ATP6V1D: variants seen among roughly 807,000 people sequenced by gnomAD.
The protein encoded by ATP6V1D is ATPase H+ transporting V1 subunit D.
Under a neutral mutation model 39.4 loss-of-function variants are expected in ATP6V1D, and 20 were observed. The observed-to-expected ratio is 0.51, with a 90% CI of 0.36 to 0.74. The LOEUF (loss-of-function observed/expected upper bound fraction) is 0.74, where lower values mean the gene tolerates loss of function less well. ATP6V1D is among the 30% of genes least tolerant of loss of function. The probability of loss-of-function intolerance (pLI) is 0.00; values close to 1 mark genes in which losing one functional copy is unlikely to be tolerated. For missense variants in ATP6V1D, 228 were observed against 291.6 expected (o/e 0.78, Z 1.59); for synonymous variants, 100 against 100.5 (o/e 0.99, Z 0.03).
At chr14:67,349,133 G>C in intron 3 of ATP6V1D, 29 bp from the exon 4 acceptor site, 1 of 1,604,368 alleles carries the variant, frequency 6.2e-7, no homozygotes, top group Non-Finnish European at 8.5e-7. Context: ...ACTTTATTTA[G>C]CAGACTCTTC....
At chr14:67,348,995 CTCT>C (rs2085640334) in intron 4 of ATP6V1D, 39 bp downstream of exon 4, 1 of 1,578,864 alleles carries the variant, frequency 6.3e-7, no homozygotes, top group African/African-American at 1.4e-5. Flanking sequence ...AAAATGTCAC[CTCT>C]TTTCTCCCCA....
In ATP6V1D at chr14:67,350,643, T is replaced by C; in HGVS notation, c.207A>G (p.Leu69=). 1.9e-6 allele frequency: 3 copies of C among 1,613,848 alleles called. No homozygotes were observed. The highest frequency in any genetic ancestry group is 2.5e-6 in the Non-Finnish European group (3 of 1,179,838). ...CACCTGCTGTGAACTTGGCTTCAGCTAGTGAAAAGGCAGCTTCTCTCATCA... is the reference window on the plus strand; with the variant it reads ...CACCTGCTGTGAACTTGGCTTCAGCCAGTGAAAAGGCAGCTTCTCTCATCA... ...GEVMREAAFS[L]AEAKFTAGDF... The change falls in exon 3 of 9, where the codon CTA becomes CTG. Residue 69 remains leucine, a synonymous_variant. Transcript: ENST00000216442.
intron 2 of ATP6V1D, among the ~76,000 whole-genome samples, chr14:67,350,904 A>G (rs1348235081): frequency 6.6e-6 from 1 of 152,262 alleles, no homozygotes; most frequent in Non-Finnish European, 1.5e-5. Flanking sequence ...ATTAAAACAG[A>G]ATAAATGCAT....
Position 67,350,651 on chromosome 14 carries a change from A to G in ATP6V1D, c.199T>C (p.Phe67Leu), listed in dbSNP as rs2085649561. 1 of 1,613,766 alleles carries G rather than the reference A, an allele frequency of 6.2e-7. No individual in the cohort carries two copies. The highest frequency in any genetic ancestry group is 8.5e-7 in the Non-Finnish European group (1 of 1,179,836). The change falls in exon 3 of 9, where the codon TTT (phenylalanine) becomes CTT (leucine). Residue 67 changes from phenylalanine (F) to leucine (L), a missense_variant. Physicochemically the swap from Phe to Leu is conservative, Grantham distance 22 (BLOSUM62 0). Transcript: ENST00000216442. The stretch of plus-strand genomic sequence containing the variant: ...GTGAACTTGGCTTCAGCTAGTGAAA[A>G]GGCAGCTTCTCTCATCACTTCGCCC... ...LMGEVMREAA[F>L]SLAEAKFTAG...
At position 67,359,469 on chromosome 14, in the gene ATP6V1D, C is replaced by G. The variant is rs890970761; in HGVS notation, c.41+189G>C. On this transcript the variant is annotated intron_variant, in intron 1 of 8. Transcript: ENST00000216442. ...TACCGGCTGGGATCGCTTCGTCCAG[C>G]CTGATTCACTCAGGAGGAATGCGCG... Among the ~76,000 whole-genome samples the G allele has an allele frequency of 3.3e-5, 5 of 152,040 alleles. 1 individual carries two copies. The highest frequency in any genetic ancestry group is 3.3e-4 in the Admixed American group (5 of 15,256).
chr14:67,348,241 A>G (rs1246194146), intron 4 of ATP6V1D, among the ~76,000 whole-genome samples: 2 of 151,632 alleles, frequency 1.3e-5, no homozygotes, highest in Admixed American at 1.3e-4. Flanking sequence ...CGTCTGGCTT[A>G]TTTTGTATTT....
chr14:67,352,870 G>A, intron 2 of ATP6V1D, 53 bp downstream of exon 2: 1 of 1,203,994 alleles, frequency 8.3e-7, no homozygotes, highest in East Asian at 2.5e-5. Context: ...AATGCCAAGG[G>A]CCATGCTGGA....
In ATP6V1D at chr14:67,345,772, A is replaced by C. The variant is rs558520021; in HGVS notation, c.452T>G (p.Leu151Arg). 1.2e-6 allele frequency: 2 copies of C among 1,611,058 alleles called. No homozygotes were observed. Among genetic ancestry groups the C allele is most frequent in the South Asian group, 1.1e-5 (1 of 90,982 alleles). ...TCCAGGTCTTTTGCTACTTACCTGC[A>C]GAGAAGCTAGTTCCACCAGTAGTTC... ...AVELLVELASLQTSFVTLDEA... is the reference protein window; with the variant it reads ...AVELLVELASRQTSFVTLDEA... The change falls in exon 6 of 9, where the codon CTG (leucine) becomes CGG (arginine). Residue 151 changes from leucine to arginine, a missense_variant. Leu to Arg is a moderately radical substitution (Grantham distance 102). This residue lies in a region of ATP6V1D where 114 missense variants were observed against 128.3 expected (regional missense o/e 0.89). Coordinates refer to ENST00000216442, the MANE Select transcript of ATP6V1D (RefSeq NM_015994.4).
chr14:67,355,631 T>G (rs933446735), intron 1 of ATP6V1D, among the ~76,000 whole-genome samples: 3 of 151,832 alleles, frequency 2.0e-5, no homozygotes, highest in African/African-American at 7.3e-5. Flanking sequence ...AAGGAGCCAG[T>G]TATAAGTTCC....
intron 1 of ATP6V1D, among the ~76,000 whole-genome samples, chr14:67,355,706 A>C (rs2085680980): frequency 6.6e-6 from 1 of 152,028 alleles, no homozygotes; most frequent in Non-Finnish European, 1.5e-5. Flanking sequence ...CTTAGGAAGA[A>C]TGCTCTAAAT....
chr14:67,344,403 A>C (rs1409956529), intron 6 of ATP6V1D, among the ~76,000 whole-genome samples: 2 of 152,184 alleles, frequency 1.3e-5, no homozygotes, highest in Non-Finnish European at 2.9e-5. Flanking sequence ...ACACTATTAT[A>C]ATTTGTTTAC....
chr14:67,357,970 A>G (rs2085696828), intron 1 of ATP6V1D, among the ~76,000 whole-genome samples: 1 of 152,236 alleles, frequency 6.6e-6, no homozygotes. Flanking sequence ...ACATATTAAC[A>G]ATTGTAAGCC....
intron 2 of ATP6V1D, 83 bp downstream of exon 2, chr14:67,352,840 A>G: frequency 2.5e-6 from 2 of 798,990 alleles, no homozygotes; most frequent in South Asian, 1.9e-5. Context: ...ATTAATTAAA[A>G]TAACAACAAC....
chr14:67,356,665 T>C (rs2085686930), intron 1 of ATP6V1D, among the ~76,000 whole-genome samples: 1 of 152,184 alleles, frequency 6.6e-6, no homozygotes, highest in African/African-American at 2.4e-5. Flanking sequence ...TTGATTCCAC[T>C]GACTTTCCCA....
rs748614540 is a variant in ATP6V1D, at chr14:67,345,775, G to A, written c.449C>T (p.Ser150Phe). 1 of 1,611,740 alleles carries A rather than the reference G, an allele frequency of 6.2e-7. No individual in the cohort carries two copies. The highest frequency in any genetic ancestry group is 1.1e-5 in the South Asian group (1 of 90,986). The change falls in exon 6 of 9, where the codon TCT becomes TTT. Residue 150 changes from serine to phenylalanine, a missense_variant. Physicochemically the swap from Ser to Phe is radical, Grantham distance 155 (BLOSUM62 -2). Transcript: ENST00000216442. Reference sequence around the variant, plus strand: ...AGGTCTTTTGCTACTTACCTGCAGAGAAGCTAGTTCCACCAGTAGTTCCAC... The same window carrying A: ...AGGTCTTTTGCTACTTACCTGCAGAAAAGCTAGTTCCACCAGTAGTTCCAC... Reference protein sequence around the residue: ...KAVELLVELASLQTSFVTLDE... With the variant: ...KAVELLVELAFLQTSFVTLDE...
intron 8 of ATP6V1D, among the ~76,000 whole-genome samples, chr14:67,338,987 GA>G (rs972691017): frequency 1.7e-4 from 25 of 147,902 alleles, no homozygotes; most frequent in Non-Finnish European, 3.3e-4. Flanking sequence ...ACCTGAGACA[GA>G]AGCCTTTTTT....
intron 7 of ATP6V1D, among the ~76,000 whole-genome samples, chr14:67,342,206 AAAT>A (rs561531896): frequency 0.15 from 21,330 of 146,132 alleles, 3,189 homozygotes; most frequent in East Asian, 0.42. Context: ...ATAAATAAAT[AAAT>A]AAATAAAATA....
At chr14:67,355,449 CAAAAAAAAAAA>C (rs564931669) in intron 1 of ATP6V1D, among the ~76,000 whole-genome samples, 116 of 18,958 alleles carry the variant, frequency 6.1e-3, no homozygotes, top group South Asian at 0.012. Context: ...GACCCTGTCT[CAAAAAAAAAAA>C]AAAAAAAAAA....
At chr14:67,341,541 C>T (rs1250666170) in intron 7 of ATP6V1D, among the ~76,000 whole-genome samples, 9 of 151,612 alleles carry the variant, frequency 5.9e-5, no homozygotes, top group East Asian at 5.9e-4. Flanking sequence ...CCTGGCCAGC[C>T]GCCCCGTCCG....
Sources: allele counts gnomAD v4.1 joint callset (sites outside exome capture counted in the v4.1 genomes callset), GRCh38; gene constraint gnomAD v4.1.1; regional missense constraint gnomAD v4.1.1; transcripts MANE v1.5; gene names NCBI Gene and HGNC (gene_info 2026-07-23, HGNC 2026-07-21).